The following SOX5 variants were observed in gnomAD, a reference collection of about 807,000 sequenced individuals.
SOX5 encodes SRY-box transcription factor 5, also known as transcription factor SOX-5.
Under a neutral mutation model 92.0 loss-of-function variants are expected in SOX5, and 9 were observed. The ratio of observed to expected loss-of-function variants is 0.10; its 90% CI spans 0.06 to 0.17. The LOEUF is 0.17. Ranked by LOEUF, SOX5 falls within the 10% of genes least tolerant of loss-of-function variation. SOX5 has a pLI of 1.00. For synonymous variants in SOX5, 344 were observed against 336.3 expected (o/e 1.02, Z -0.25); for missense variants, 642 against 944.5 (o/e 0.68, Z 4.20).
chr12:23,918,365 A>G (rs980639895), intron 1 of SOX5, among the ~76,000 whole-genome samples: 4 of 152,172 alleles, frequency 2.6e-5, no homozygotes, highest in Non-Finnish European at 5.9e-5. Flanking sequence ...CTTTTCTCCA[A>G]ATGTCACATA....
At chr12:23,662,148 C>T (rs1049172039) in intron 7 of SOX5, among the ~76,000 whole-genome samples, 15 of 152,094 alleles carry the variant, frequency 9.9e-5, no homozygotes, top group African/African-American at 3.6e-4. Flanking sequence ...TATATACACA[C>T]ACACATATAC....
intron 8 of SOX5, among the ~76,000 whole-genome samples, chr12:23,612,377 G>T (rs1156984203): frequency 6.6e-6 from 1 of 151,980 alleles, no homozygotes; most frequent in Non-Finnish European, 1.5e-5. Context: ...GTTTAAGTAG[G>T]CATAAGGAAA....
intron 6 of SOX5, among the ~76,000 whole-genome samples, chr12:23,692,349 A>C (rs1204503480): frequency 6.6e-6 from 1 of 151,616 alleles, no homozygotes; most frequent in Non-Finnish European, 1.5e-5. Flanking sequence ...AGGCAGGAGA[A>C]TCACTTGATC....
In SOX5 at chr12:24,396,342, G is replaced by A. The variant is rs569918250; in HGVS notation, c.-250-27703C>T. Among the ~76,000 whole-genome samples, 6 of 152,300 alleles carry A rather than the reference G, an allele frequency of 3.9e-5. No individual in the cohort carries two copies. The South Asian group carries it at 1.2e-3, about 32-fold the overall frequency. On this transcript the variant is annotated intron_variant, in intron 1 of 4. Coordinates refer to the SOX5 transcript ENST00000446891. ...GACGGTCCATGTAAATAGTGTTTAT[G>A]TTAAGGAAGTCATGTTCAGTGTGAC...
intron 1 of SOX5, among the ~76,000 whole-genome samples, chr12:23,941,160 GCTTT>G (rs1943559585): frequency 6.6e-6 from 1 of 151,354 alleles, no homozygotes; most frequent in Non-Finnish European, 1.5e-5. Flanking sequence ...GTTTCTCCTG[GCTTT>G]CTAACTTTTG....
intron 1 of SOX5, among the ~76,000 whole-genome samples, chr12:24,419,581 G>T (rs1965592566): frequency 6.6e-6 from 1 of 152,134 alleles, no homozygotes; most frequent in Non-Finnish European, 1.5e-5. Flanking sequence ...TCATTTTGGG[G>T]TGCACTCTCT....
intron 2 of SOX5, among the ~76,000 whole-genome samples, chr12:24,338,089 T>C (rs1952114411): frequency 6.6e-6 from 1 of 152,154 alleles, no homozygotes; most frequent in African/African-American, 2.4e-5. Flanking sequence ...CAAATATAAG[T>C]AATGGAAAAA....
intron 5 of SOX5, among the ~76,000 whole-genome samples, chr12:23,739,552 C>T (rs1484005532): frequency 6.6e-6 from 1 of 152,324 alleles, no homozygotes; most frequent in Admixed American, 6.5e-5. Context: ...TGACATTGCA[C>T]TCCTGGCCCC....
chr12:24,026,599 C>CA lies in SOX5; in HGVS notation c.-1-130576dup, dbSNP rs5797058. Among the ~76,000 whole-genome samples the CA allele has an allele frequency of 2.7e-3, 335 of 123,788 alleles. 6 individuals are homozygous for CA. The highest frequency in any genetic ancestry group is 8.5e-3 in the African/African-American group (278 of 32,608). The allele number at this position is 123,788 out of a possible 152,430, so 81.2% of individuals were successfully genotyped here. ...ACCCTGTCTCTATGGGAAAAAAAAG[C>CA]AAAAAAAAAAAAAACAAAAAAAATT... On this transcript the variant is annotated intron_variant, in intron 4 of 4. Coordinates refer to the SOX5 transcript ENST00000446891.
intron 2 of SOX5, among the ~76,000 whole-genome samples, chr12:23,867,460 C>T (rs147490151): frequency 7.2e-5 from 11 of 152,208 alleles, no homozygotes; most frequent in East Asian, 5.8e-4. Flanking sequence ...GTAAGAGATA[C>T]GGACTAACAG....
intron 2 of SOX5, among the ~76,000 whole-genome samples, chr12:23,890,213 G>C (rs1333322055): frequency 2.0e-5 from 3 of 151,524 alleles, no homozygotes; most frequent in Non-Finnish European, 2.9e-5. Flanking sequence ...CTGGCTATTC[G>C]CAAGCCTTAA....
chr12:24,228,284 C>T (rs1962543234), intron 3 of SOX5, among the ~76,000 whole-genome samples: 1 of 152,130 alleles, frequency 6.6e-6, no homozygotes. Context: ...GAGGCTAAAA[C>T]TGGGAGAGGA....
At chr12:24,233,512 A>T (rs1328335619) in intron 3 of SOX5, among the ~76,000 whole-genome samples, 1 of 152,220 alleles carries the variant, frequency 6.6e-6, no homozygotes, top group Non-Finnish European at 1.5e-5. Context: ...TGGAAAAGGG[A>T]AAAAGTTAAA....
At chr12:24,068,815 A>G (rs943028713) in intron 4 of SOX5, among the ~76,000 whole-genome samples, 2 of 149,008 alleles carry the variant, frequency 1.3e-5, no homozygotes, top group African/African-American at 4.9e-5. Context: ...CACTATATAC[A>G]TAAGGCAAAA....
intron 1 of SOX5, among the ~76,000 whole-genome samples, chr12:24,427,801 C>T (rs1445914364): frequency 6.6e-6 from 1 of 152,162 alleles, no homozygotes; most frequent in Non-Finnish European, 1.5e-5. Context: ...TCTACCAGCG[C>T]TTGATAAAAC....
At chr12:23,555,305 A>G (rs535884919) in intron 11 of SOX5, among the ~76,000 whole-genome samples, 11 of 152,226 alleles carry the variant, frequency 7.2e-5, no homozygotes, top group African/African-American at 2.6e-4. Flanking sequence ...TTCAATCATC[A>G]GAGAGGCCTG....
intron 3 of SOX5, among the ~76,000 whole-genome samples, chr12:23,800,414 ACT>A (rs2095639548): frequency 6.6e-6 from 1 of 152,172 alleles, no homozygotes; most frequent in African/African-American, 2.4e-5. Context: ...TGAATGAAAC[ACT>A]GTCAGATAGA....
At chr12:23,901,553 C>G (rs569284902) in intron 1 of SOX5, among the ~76,000 whole-genome samples, 1 of 152,182 alleles carries the variant, frequency 6.6e-6, no homozygotes, top group Non-Finnish European at 1.5e-5. Flanking sequence ...TCTGCTCAAA[C>G]GTTATTTCCT....
At chr12:24,105,530 G>A (rs568773774) in intron 4 of SOX5, among the ~76,000 whole-genome samples, 1 of 152,232 alleles carries the variant, frequency 6.6e-6, no homozygotes, top group South Asian at 2.1e-4. Flanking sequence ...GACAGAGCAA[G>A]ACTCTGTCTT....
Sources: allele counts gnomAD v4.1 joint callset (sites outside exome capture counted in the v4.1 genomes callset), GRCh38; gene constraint gnomAD v4.1.1; transcripts MANE v1.5; gene names NCBI Gene and HGNC (gene_info 2026-07-23, HGNC 2026-07-21).